The following QTGAL variants were observed in gnomAD, a reference collection of about 807,000 sequenced individuals.
QTGAL encodes BGnT-like protein 1.
At chr17:82,942,433 C>T in the QTGAL span, 7 of 1,613,846 alleles carry the variant, frequency 4.3e-6, no homozygotes, top group Non-Finnish European at 5.9e-6. Context: ...CTGAGCTTGT[C>T]TTGTCTCTTC....
the QTGAL span, chr17:82,942,644 G>T: frequency 1.4e-6 from 1 of 711,968 alleles, no homozygotes; most frequent in Non-Finnish European, 2.4e-6. Flanking sequence ...GTGACTTGGG[G>T]TGGACGCCTC....
chr17:82,989,927 G>A, the QTGAL span, among the ~76,000 whole-genome samples: 16 of 152,342 alleles, frequency 1.1e-4, no homozygotes, highest in South Asian at 3.3e-3. Flanking sequence ...GTCCCTAAGA[G>A]CTGGCTGACT....
chr17:83,045,970 G>A, the QTGAL span, among the ~76,000 whole-genome samples: 8 of 150,554 alleles, frequency 5.3e-5, no homozygotes, highest in Admixed American at 4.6e-4. Flanking sequence ...ATTAAAGGCC[G>A]CTGCCACTAC....
chr17:83,033,131 T>G, the QTGAL span, among the ~76,000 whole-genome samples: 1 of 152,240 alleles, frequency 6.6e-6, no homozygotes, highest in African/African-American at 2.4e-5. Context: ...GAAGTTTATT[T>G]TAAAGTAATT....
At chr17:82,958,779 T>G in the QTGAL span, among the ~76,000 whole-genome samples, 2 of 140,140 alleles carry the variant, frequency 1.4e-5, no homozygotes, top group African/African-American at 5.9e-5. Context: ...AGTCAGTGAC[T>G]TGGGGACACT....
At chr17:83,005,777 A>T in the QTGAL span, 12 of 939,606 alleles carry the variant, frequency 1.3e-5, no homozygotes, top group Admixed American at 1.5e-4. This position sits in a 1 kb window ranked among gnomAD's most constrained non-coding sequence, Gnocchi z 5.6. Flanking sequence ...TCCTGTCAGT[A>T]GCCTTGACCC....
At chr17:82,966,185 A>G in the QTGAL span, among the ~76,000 whole-genome samples, 2 of 149,690 alleles carry the variant, frequency 1.3e-5, no homozygotes, top group Non-Finnish European at 3.0e-5. Flanking sequence ...CCAAGCAGCT[A>G]GGACTATAGG....
At chr17:82,971,365 C>A in the QTGAL span, among the ~76,000 whole-genome samples, 2 of 152,334 alleles carry the variant, frequency 1.3e-5, no homozygotes, top group African/African-American at 4.8e-5. Flanking sequence ...TCAGTCAGCA[C>A]AGAGCACTAG....
chr17:82,999,920 G>T, the QTGAL span, among the ~76,000 whole-genome samples: 26 of 152,002 alleles, frequency 1.7e-4, no homozygotes, highest in African/African-American at 6.0e-4. Flanking sequence ...AAAACTGTGT[G>T]AAAACTGTGA....
chr17:82,958,801 G>A, the QTGAL span, among the ~76,000 whole-genome samples: 13 of 129,588 alleles, frequency 1.0e-4, no homozygotes, highest in Non-Finnish European at 2.3e-4. Context: ...AAGCATGTGT[G>A]TGTGTGTGTA....
chr17:83,041,318 GA>G, the QTGAL span, among the ~76,000 whole-genome samples: 5 of 152,078 alleles, frequency 3.3e-5, no homozygotes, highest in South Asian at 8.3e-4. Flanking sequence ...GAAATAAGCA[GA>G]AAAAAAGTTT....
the QTGAL span, among the ~76,000 whole-genome samples, chr17:83,024,789 G>A: frequency 6.6e-6 from 1 of 152,256 alleles, no homozygotes; most frequent in Non-Finnish European, 1.5e-5. Context: ...ACAGGCAGAC[G>A]CTGTGATGCT....
the QTGAL span, chr17:83,051,712 G>A: frequency 7.5e-6 from 11 of 1,475,464 alleles, no homozygotes; most frequent in African/African-American, 4.4e-5. Flanking sequence ...CTGCACGGCG[G>A]GGCACCCTCC....
the QTGAL span, among the ~76,000 whole-genome samples, chr17:83,031,983 C>G: frequency 6.6e-6 from 1 of 152,208 alleles, no homozygotes; most frequent in Non-Finnish European, 1.5e-5. Flanking sequence ...CCCAGCCTCA[C>G]AACATCTGCA....
the QTGAL span, chr17:83,051,615 T>C: frequency 9.9e-6 from 10 of 1,013,602 alleles, no homozygotes; most frequent in South Asian, 2.0e-5. Context: ...GGAGACCCCG[T>C]AGGTGAGCCC....
chr17:83,025,872 G>A, the QTGAL span, among the ~76,000 whole-genome samples: 13 of 152,354 alleles, frequency 8.5e-5, no homozygotes, highest in African/African-American at 2.6e-4. Context: ...ACGGGAGGCC[G>A]TGGGCTGCAG....
chr17:83,009,299 C>T, the QTGAL span, among the ~76,000 whole-genome samples: 34 of 152,252 alleles, frequency 2.2e-4, no homozygotes, highest in Middle Eastern at 3.4e-3. Flanking sequence ...TGGCGCACAC[C>T]TGTAATCCCA....
chr17:83,001,101 A>C, the QTGAL span, among the ~76,000 whole-genome samples: 1 of 152,236 alleles, frequency 6.6e-6, no homozygotes, highest in Admixed American at 6.5e-5. Flanking sequence ...GCTGTATGTC[A>C]GTTATACATC....
At chr17:83,030,588 G>A in the QTGAL span, among the ~76,000 whole-genome samples, 1 of 152,212 alleles carries the variant, frequency 6.6e-6, no homozygotes, top group African/African-American at 2.4e-5. Context: ...TCGGCAGTGA[G>A]GATGAGAACG....
Sources: allele counts gnomAD v4.1 joint callset (sites outside exome capture counted in the v4.1 genomes callset), GRCh38; gene constraint gnomAD v4.1.1; non-coding constraint Gnocchi (gnomAD v3.1); transcripts MANE v1.5; gene names NCBI Gene and HGNC (gene_info 2026-07-23, HGNC 2026-07-21).